INPP5B: variants seen among roughly 807,000 people sequenced by gnomAD.
INPP5B encodes type II inositol 1,4,5-trisphosphate 5-phosphatase.
In INPP5B, 90 loss-of-function variants were observed where a neutral mutation model predicts 118.5. The ratio of observed to expected loss-of-function variants is 0.76; its 90% confidence interval spans 0.64 to 0.90. The LOEUF (loss-of-function observed/expected upper bound fraction) is 0.90, where lower values mean the gene tolerates loss of function less well. Among genes scored for constraint, INPP5B ranks in the 40% least tolerant of loss-of-function variants. The pLI, the probability that INPP5B is intolerant of heterozygous loss-of-function variation, is 0.00. For missense variants in INPP5B, 984 were observed against 1,125.6 expected (o/e 0.87, Z 1.80); for synonymous variants, 385 against 418.9 (o/e 0.92, Z 0.99).
chr1:37,887,100 T>C (rs954825373), intron 11 of INPP5B, 96 bp from the exon 12 acceptor site: 77 of 975,852 alleles, frequency 7.9e-5, no homozygotes, highest in Non-Finnish European at 1.0e-4. Context: ...AGTATTCACG[T>C]GTCTCCTTCT....
intron 20 of INPP5B, among the ~76,000 whole-genome samples, chr1:37,868,074 T>C (rs1003519554): frequency 6.6e-6 from 1 of 152,082 alleles, no homozygotes; most frequent in African/African-American, 2.4e-5. Context: ...CGGTGGCTCA[T>C]GCCTGTCATC....
chr1:37,887,696 T>C (rs2148512273), intron 10 of INPP5B, among the ~76,000 whole-genome samples: 1 of 152,302 alleles, frequency 6.6e-6, no homozygotes, highest in Non-Finnish European at 1.5e-5. Flanking sequence ...TAGTTCGAAG[T>C]GTCCCTATTT....
In INPP5B at chr1:37,946,285, C is replaced by T; in HGVS notation, c.24G>A (p.Gln8=). 1 of 1,612,236 alleles carries T rather than the reference C, an allele frequency of 6.2e-7. No individual in the cohort carries two copies. The highest frequency in any genetic ancestry group is 8.5e-7 in the Non-Finnish European group (1 of 1,179,284). MDQSVAI[Q]ETLAEGEYCV... ...AGTATTCCCCCTCAGCCAGCGTCTC[C>T]TGGATTGCCACAGACTGGTCCATGC... Residue 8 remains glutamine, a synonymous_variant, in exon 2 of 24, where the codon CAG becomes CAA. Transcript: ENST00000373024.
At chr1:37,913,919 T>C (rs1011392130) in intron 7 of INPP5B, among the ~76,000 whole-genome samples, 2 of 152,192 alleles carry the variant, frequency 1.3e-5, no homozygotes, top group South Asian at 2.1e-4. Flanking sequence ...TCTACCATTG[T>C]GATTTGTTCC....
intron 18 of INPP5B, 92 bp from the exon 19 acceptor site, chr1:37,873,257 G>C (rs1642581696): frequency 9.1e-6 from 8 of 877,948 alleles, no homozygotes; most frequent in Non-Finnish European, 1.5e-5. Context: ...GGCATAAAGG[G>C]TTAGGAAAAG....
At chr1:37,937,432 G>A (rs1645737831) in intron 6 of INPP5B, among the ~76,000 whole-genome samples, 1 of 152,150 alleles carries the variant, frequency 6.6e-6, no homozygotes, top group African/African-American at 2.4e-5. Flanking sequence ...AGGAGTTCAA[G>A]ACTAGCCTGG....
intron 16 of INPP5B, among the ~76,000 whole-genome samples, chr1:37,876,703 C>CAAAAAAAAA (rs754849945): frequency 2.1e-4 from 17 of 80,750 alleles, no homozygotes; most frequent in African/African-American, 2.9e-4. Flanking sequence ...ACTAAAAATA[C>CAAAAAAAAA]AAAAAAAAAA....
At position 37,862,254 on chromosome 1, in the gene INPP5B, G is replaced by C. The variant is rs2148434500; in HGVS notation, c.*61C>G. The stretch of plus-strand genomic sequence containing the variant: ...ACATAATTATCTTAAGGCATCTCTT[G>C]AGCTGAAACAGGTGGGGCTGGTAAT... On this transcript the variant is annotated 3_prime_UTR_variant, in exon 24 of 24. Coordinates refer to ENST00000373024, the MANE Select transcript of INPP5B (RefSeq NM_005540.3). 1.8e-6 allele frequency: 2 copies of C among 1,086,120 alleles called. No individual in the cohort carries two copies. The highest frequency in any genetic ancestry group is 1.3e-5 in the South Asian group (1 of 78,994). The allele number at this position is 1,086,120 out of a possible 1,614,324, so 67.3% of individuals were successfully genotyped here. A position where few individuals can be genotyped will look rare whatever the true frequency, so the allele number is the denominator to read the frequency against.
chr1:37,923,191 G>A lies in INPP5B; in HGVS notation c.532+8722C>T, dbSNP rs536976041. 2.0e-5 allele frequency among the ~76,000 whole-genome samples: 3 copies of A among 148,012 alleles called. No individual in the cohort carries two copies. In the South Asian group the frequency reaches 6.2e-4, roughly 31 times the overall value. ...GCACCTACTGATGTACAAGGCATTC[G>A]GCTGTCATTTGGGAAGGAGAGAGAA... On this transcript the variant is annotated intron_variant, in intron 7 of 23. Coordinates refer to ENST00000373024, the MANE Select transcript of INPP5B (RefSeq NM_005540.3).
chr1:37,883,570 T>G, intron 13 of INPP5B: 2 of 985,426 alleles, frequency 2.0e-6, no homozygotes, highest in Non-Finnish European at 2.4e-6. Context: ...CCAACAACCA[T>G]GTCATTAGAG....
intron 7 of INPP5B, chr1:37,931,608 G>A (rs563295134): frequency 2.0e-6 from 3 of 1,535,594 alleles, no homozygotes; most frequent in African/African-American, 1.4e-5. Context: ...CTGCCCACCC[G>A]AGGGCCGGGC....
chr1:37,890,743 C>T (rs1643794488), intron 8 of INPP5B, among the ~76,000 whole-genome samples: 1 of 152,130 alleles, frequency 6.6e-6, no homozygotes, highest in Admixed American at 6.5e-5. Flanking sequence ...GAGGGCTAGA[C>T]TGCCAGTTCC....
At chr1:37,900,073 ATT>A (rs34018622) in intron 7 of INPP5B, among the ~76,000 whole-genome samples, 15 of 114,614 alleles carry the variant, frequency 1.3e-4, no homozygotes, top group Non-Finnish European at 1.1e-4. Flanking sequence ...TTTACCTTGA[ATT>A]TTTTTTTTTT....
chr1:37,870,172 CTT>C (rs1328213866), intron 19 of INPP5B, among the ~76,000 whole-genome samples: 1 of 150,428 alleles, frequency 6.6e-6, no homozygotes, highest in Non-Finnish European at 1.5e-5. Context: ...TAGAGACTGT[CTT>C]GCGCTATCGC....
chr1:37,932,919 G>A (rs193176965), intron 6 of INPP5B, among the ~76,000 whole-genome samples: 86 of 152,208 alleles, frequency 5.7e-4, no homozygotes, highest in African/African-American at 2.0e-3. Flanking sequence ...CTCCCTCTTA[G>A]AAATTCTTGA....
rs11488569 is a variant in INPP5B, at chr1:37,873,123, A to G, written c.1994T>C (p.Met665Thr). 0.69 allele frequency: 1,110,494 copies of G among 1,613,130 alleles called. 389,953 individuals carry two copies. Among genetic ancestry groups the G allele is most frequent in the Non-Finnish European group, 0.73 (856,269 of 1,179,334 alleles). ...ACCCGAGTTGAGCTTTGTAGCTGTC[A>G]TCTTATTTACGAAGAGCTCCAAGTC... ...EIDLELFVNKMTATKLNSGED... is the reference protein window; with the variant it reads ...EIDLELFVNKTTATKLNSGED... Residue 665 changes from methionine to threonine, a missense_variant, in exon 19 of 24, where the codon ATG (methionine) becomes ACG (threonine). This residue lies in a region of INPP5B where 634 missense variants were observed against 791.0 expected (regional missense o/e 0.80). Coordinates refer to ENST00000373024, the MANE Select transcript of INPP5B (RefSeq NM_005540.3).
At chr1:37,906,797 T>C (rs149735059) in intron 7 of INPP5B, among the ~76,000 whole-genome samples, 362 of 150,656 alleles carry the variant, frequency 2.4e-3, no homozygotes, top group Non-Finnish European at 4.5e-3. Flanking sequence ...CAGGTGGAGG[T>C]TGCAATGAGC....
At chr1:37,880,804 C>T (rs1643153967) in intron 14 of INPP5B, among the ~76,000 whole-genome samples, 1 of 152,336 alleles carries the variant, frequency 6.6e-6, no homozygotes, top group Admixed American at 6.5e-5. Flanking sequence ...TAGCTCACTA[C>T]AGCCTCCATC....
chr1:37,876,703 CAA>C (rs754849945), intron 16 of INPP5B, among the ~76,000 whole-genome samples: 1 of 80,812 alleles, frequency 1.2e-5, no homozygotes, highest in Admixed American at 1.5e-4. Flanking sequence ...ACTAAAAATA[CAA>C]AAAAAAAAAA....
Sources: gnomAD v4.1 joint callset for allele counts (sites outside exome capture counted in the v4.1 genomes callset) on GRCh38, gnomAD v4.1.1 for gene constraint, gnomAD v4.1.1 regional missense constraint, MANE v1.5 for transcripts, NCBI Gene and HGNC (gene_info 2026-07-23, HGNC 2026-07-21) for gene names.